FAM81B: variants seen among roughly 807,000 people sequenced by gnomAD.
FAM81B encodes the protein family with sequence similarity 81 member B.
In FAM81B, 60 loss-of-function variants were observed where a neutral mutation model predicts 58.7. That is an observed-to-expected ratio of 1.02 (90% confidence interval 0.83 to 1.27). The LOEUF is 1.27. FAM81B is among the 50% of genes most tolerant of loss of function. FAM81B has a pLI of 0.00. For synonymous variants in FAM81B, 189 were observed against 179.6 expected (o/e 1.05, Z -0.42); for missense variants, 491 against 522.0 (o/e 0.94, Z 0.58).
At chr5:95,391,719 G>C (rs1364916751) in intron 1 of FAM81B, among the ~76,000 whole-genome samples, 1 of 151,766 alleles carries the variant, frequency 6.6e-6, no homozygotes, top group Non-Finnish European at 1.5e-5. Flanking sequence ...CTTCTCAAAA[G>C]AAGACATTTA....
At chr5:95,446,086 T>C (rs1228508551) in intron 7 of FAM81B, among the ~76,000 whole-genome samples, 2 of 152,230 alleles carry the variant, frequency 1.3e-5, no homozygotes, top group African/African-American at 4.8e-5. Flanking sequence ...CCCACTGCAA[T>C]GGAGCATTGA....
chr5:95,427,151 T>G (rs1762866894), intron 5 of FAM81B, among the ~76,000 whole-genome samples: 1 of 152,150 alleles, frequency 6.6e-6, no homozygotes, highest in Admixed American at 6.5e-5. Context: ...TAGCCTCCAC[T>G]GCACAGACCC....
At chr5:95,426,745 A>G (rs1332401683) in intron 5 of FAM81B, among the ~76,000 whole-genome samples, 1 of 152,124 alleles carries the variant, frequency 6.6e-6, no homozygotes, top group Non-Finnish European at 1.5e-5. Context: ...TGAAATCTGT[A>G]GGCATTAAGA....
chr5:95,414,314 A>G, intron 4 of FAM81B, 124 bp downstream of exon 4: 1 of 1,111,998 alleles, frequency 9.0e-7, no homozygotes, highest in South Asian at 1.6e-5. Flanking sequence ...TTAAGTTTAG[A>G]TGATTACATT....
chr5:95,420,212 C>A lies in FAM81B; in HGVS notation c.538-72C>A, dbSNP rs1762640588. On this transcript the variant is annotated intron_variant, in intron 4 of 9. Transcript: ENST00000283357. ...TTACAAAATGCATTCATTTAGGTAACCCCTGCTTTAAATGATGTTTCCTTA... is the reference window on the plus strand; with the variant it reads ...TTACAAAATGCATTCATTTAGGTAAACCCTGCTTTAAATGATGTTTCCTTA... 3.1e-5 allele frequency: 49 copies of A among 1,587,766 alleles called. 3 individuals carry two copies. In the South Asian group the frequency reaches 4.7e-4, roughly 15 times the overall value.
chr5:95,440,524 T>C lies in FAM81B; in HGVS notation c.893+3618T>C, dbSNP rs982136339. 51 of 575,856 alleles carry C rather than the reference T, an allele frequency of 8.9e-5. 1 individual carries two copies. The Admixed American group carries it at 1.1e-3, about 13-fold the overall frequency. The allele number at this position is 575,856 out of a possible 1,614,324, so 35.7% of individuals were successfully genotyped here. A position where few individuals can be genotyped will look rare whatever the true frequency, so the allele number is the denominator to read the frequency against. On this transcript the variant is annotated intron_variant, in intron 7 of 9. Coordinates refer to ENST00000283357, the MANE Select transcript of FAM81B (RefSeq NM_152548.3). ...TGCTTTAGACAAAATATTATTGGTT[T>C]TGATGCAGGAGATGCAGTTCTTAAT... is the stretch of plus-strand genomic sequence containing the variant.
intron 2 of FAM81B, among the ~76,000 whole-genome samples, chr5:95,395,484 A>G (rs932815422): frequency 6.6e-6 from 1 of 151,626 alleles, no homozygotes; most frequent in Admixed American, 6.6e-5. Flanking sequence ...TTTTTGAGAT[A>G]TGAAAAACAG....
intron 3 of FAM81B, among the ~76,000 whole-genome samples, chr5:95,407,062 G>T (rs548902950): frequency 6.6e-6 from 1 of 152,156 alleles, no homozygotes; most frequent in African/African-American, 2.4e-5. Context: ...CTGGGCATGG[G>T]GGATGGCAAT....
At chr5:95,421,712 T>C (rs1180376778) in intron 5 of FAM81B, among the ~76,000 whole-genome samples, 1 of 152,160 alleles carries the variant, frequency 6.6e-6, no homozygotes, top group Non-Finnish European at 1.5e-5. Context: ...GGAAGGCTAT[T>C]GTACCAATCC....
At chr5:95,391,663 G>GAAA in intron 1 of FAM81B, 150 bp downstream of exon 1, 12 of 695,296 alleles carry the variant, frequency 1.7e-5, no homozygotes, top group South Asian at 4.0e-5. Context: ...AAATGTACAA[G>GAAA]AAAAAAAAAC....
At chr5:95,417,912 C>G (rs1762579596) in intron 4 of FAM81B, among the ~76,000 whole-genome samples, 1 of 152,164 alleles carries the variant, frequency 6.6e-6, no homozygotes, top group African/African-American at 2.4e-5. Context: ...ATTGTATTTA[C>G]AGTGTCTTTA....
intron 6 of FAM81B, among the ~76,000 whole-genome samples, chr5:95,436,186 G>T (rs1745092568): frequency 6.6e-6 from 1 of 152,140 alleles, no homozygotes; most frequent in Admixed American, 6.5e-5. Flanking sequence ...CAGTTTGAAA[G>T]GTGCTCTAAT....
At chr5:95,426,975 G>A (rs1762857646) in intron 5 of FAM81B, among the ~76,000 whole-genome samples, 1 of 152,176 alleles carries the variant, frequency 6.6e-6, no homozygotes, top group Non-Finnish European at 1.5e-5. Flanking sequence ...CGTGAACCTG[G>A]GAGGCGGAGC....
At chr5:95,438,581 T>C (rs572782805) in intron 7 of FAM81B, among the ~76,000 whole-genome samples, 36 of 152,260 alleles carry the variant, frequency 2.4e-4, no homozygotes, top group African/African-American at 7.2e-4. Flanking sequence ...ATCTGGACAC[T>C]TTTATAACAG....
At chr5:95,416,798 T>C (rs918838333) in intron 4 of FAM81B, among the ~76,000 whole-genome samples, 17 of 152,120 alleles carry the variant, frequency 1.1e-4, no homozygotes, top group African/African-American at 3.9e-4. Flanking sequence ...AAATATCACT[T>C]TGGGGGGCTG....
At position 95,444,599 on chromosome 5, in the gene FAM81B, T is replaced by A. The variant is rs191844786; in HGVS notation, c.894-1963T>A. Reference sequence around the variant, plus strand: ...AACCAACAGCACAGGTGATTGGGAATCATGATTAGACTAAGAACACGAATA... The same window carrying A: ...AACCAACAGCACAGGTGATTGGGAAACATGATTAGACTAAGAACACGAATA... On this transcript the variant is annotated intron_variant, in intron 7 of 9. Coordinates refer to ENST00000283357, the MANE Select transcript of FAM81B (RefSeq NM_152548.3). Among the ~76,000 whole-genome samples, 722 of 152,256 alleles carry A rather than the reference T, an allele frequency of 4.7e-3. 5 individuals carry two copies. Among genetic ancestry groups the A allele is most frequent in the Middle Eastern group, 0.02 (6 of 294 alleles).
intron 5 of FAM81B, among the ~76,000 whole-genome samples, chr5:95,420,836 A>T (rs1277641080): frequency 6.6e-6 from 1 of 152,254 alleles, no homozygotes; most frequent in Non-Finnish European, 1.5e-5. Flanking sequence ...AGATTTCTAA[A>T]TCAAAAGAAT....
chr5:95,438,752 C>G (rs188183520), intron 7 of FAM81B, among the ~76,000 whole-genome samples: 1 of 149,326 alleles, frequency 6.7e-6, no homozygotes, highest in South Asian at 2.1e-4. Context: ...TAAATTTTCT[C>G]CAATTTTAAA....
chr5:95,429,217 C>T (rs1277991139), intron 6 of FAM81B, among the ~76,000 whole-genome samples: 1 of 152,166 alleles, frequency 6.6e-6, no homozygotes, highest in East Asian at 1.9e-4. Context: ...TGCTTCTTGA[C>T]TCACCCTTTA....
Sources: gnomAD v4.1 joint callset for allele counts (sites outside exome capture counted in the v4.1 genomes callset) on GRCh38, gnomAD v4.1.1 for gene constraint, MANE v1.5 for transcripts, NCBI Gene and HGNC (gene_info 2026-07-23, HGNC 2026-07-21) for gene names.